NPM2: variants seen among roughly 807,000 people sequenced by gnomAD.
NPM2 encodes nucleophosmin/nucleoplasmin 2, also known as nucleoplasmin-2.
NPM2 carries 25 observed loss-of-function variants against 32.0 expected under a neutral mutation model. The observed-to-expected ratio is 0.78, with a 90% CI of 0.57 to 1.09. NPM2 has a LOEUF of 1.09. NPM2 is among the 50% of genes least tolerant of loss of function. The probability of loss-of-function intolerance (pLI) is 0.00; values close to 1 mark genes in which losing one functional copy is unlikely to be tolerated. For missense variants in NPM2, 282 were observed against 259.9 expected, an observed-to-expected ratio of 1.08 and a Z score of -0.58; for synonymous variants, 111 against 94.2, an observed-to-expected ratio of 1.18 and a Z score of -1.04.
chr8:22,024,960 G>A, intron 2 of NPM2, 130 bp downstream of exon 2: 1 of 454,272 alleles, frequency 2.2e-6, no homozygotes, highest in Non-Finnish European at 3.9e-6. Flanking sequence ...GGCCTTTCAA[G>A]CCTGAGCTCG....
At chr8:22,030,142 C>G (rs982056417) in intron 5 of NPM2, among the ~76,000 whole-genome samples, 2 of 152,220 alleles carry the variant, frequency 1.3e-5, no homozygotes, top group East Asian at 3.8e-4. Flanking sequence ...ATCTCTCCCT[C>G]TCTGCCTTAT....
At position 22,029,941 on chromosome 8, in the gene NPM2, T is replaced by A. The variant is rs552149840; in HGVS notation, c.271-3189T>A. ...ATGATGTGTTCAGGTGTAGATTTAT[T>A]TTTTTTGTCTGTTCAGGACTTAGGT... On this transcript the variant is annotated intron_variant, in intron 5 of 9. Coordinates refer to ENST00000518119, the MANE Select transcript of NPM2 (RefSeq NM_001286680.2). 3.2e-4 allele frequency among the ~76,000 whole-genome samples: 48 copies of A among 152,026 alleles called. 1 individual carries two copies. In the South Asian group the frequency reaches 1.0e-2, roughly 32 times the overall value.
At chr8:22,031,713 T>C (rs1419895643) in intron 5 of NPM2, among the ~76,000 whole-genome samples, 1 of 152,236 alleles carries the variant, frequency 6.6e-6, no homozygotes, top group Non-Finnish European at 1.5e-5. Context: ...CCCAAAGTGC[T>C]TGGATTACAG....
rs751898032 is a variant in NPM2, at chr8:22,036,476, G to A, written c.567-17G>A. The A allele has an allele frequency of 8.6e-5, 137 of 1,601,718 alleles. No homozygotes were observed. Among genetic ancestry groups the A allele is most frequent in the Middle Eastern group, 1.7e-4 (1 of 6,054 alleles). Reference sequence around the variant, plus strand: ...CTGACCCCAATCCCACTCCTGCTCCGCTCCACCCTGTTGCAGAGCCAGCGT... The same window carrying A: ...CTGACCCCAATCCCACTCCTGCTCCACTCCACCCTGTTGCAGAGCCAGCGT... On this transcript the variant is annotated splice_polypyrimidine_tract_variant and intron_variant, in intron 8 of 9. Transcript: ENST00000518119.
At position 22,034,471 on chromosome 8, in the gene NPM2, T is replaced by G. The variant is rs777243407; in HGVS notation, c.532-39T>G. The G allele has an allele frequency of 2.5e-6, 4 of 1,586,782 alleles. No homozygotes were observed. In the African/African-American group the frequency reaches 5.4e-5, roughly 21 times the overall value. On this transcript the variant is annotated intron_variant, in intron 7 of 9. Coordinates refer to ENST00000518119, the MANE Select transcript of NPM2 (RefSeq NM_001286680.2). The stretch of plus-strand genomic sequence containing the variant: ...GGGAATCTGTTCTGGCTCTGGACTT[T>G]GTCTGAACTCTCATAATACACTGTT...
rs940575074 is a variant in NPM2, at chr8:22,026,080, G to C, written c.270+308G>C. ...CAGGAGGTGAGCAGCCAGCTAGCCA[G>C]CATTACCCCTGAGCCCTGCCTCCCG... is the stretch of plus-strand genomic sequence containing the variant. On this transcript the variant is annotated intron_variant, in intron 5 of 9. Coordinates refer to ENST00000518119, the MANE Select transcript of NPM2 (RefSeq NM_001286680.2). 3.9e-5 allele frequency among the ~76,000 whole-genome samples: 6 copies of C among 152,322 alleles called. No homozygotes were observed. The South Asian group carries it at 1.2e-3, about 32-fold the overall frequency.
intron 8 of NPM2, 128 bp from the exon 9 acceptor site, chr8:22,036,365 G>A: frequency 1.2e-6 from 1 of 816,456 alleles, no homozygotes; most frequent in East Asian, 2.7e-5. Context: ...AAGAGTCCGA[G>A]TGGTCCCCAG....
chr8:22,036,589 T>A (rs376981376), intron 9 of NPM2, 49 bp from the exon 10 acceptor site: 461 of 1,559,342 alleles, frequency 3.0e-4, no homozygotes, highest in South Asian at 8.5e-4. Context: ...GGGGGCTGCC[T>A]GGTATGGAGA....
intron 8 of NPM2, 85 bp downstream of exon 8, chr8:22,034,629 C>T (rs949942688): frequency 2.2e-5 from 26 of 1,180,726 alleles, no homozygotes; most frequent in Non-Finnish European, 3.1e-5. Flanking sequence ...TTGGGATGTA[C>T]GTGTACAAAT....
At chr8:22,029,136 C>T (rs767165155) in intron 5 of NPM2, among the ~76,000 whole-genome samples, 6 of 152,066 alleles carry the variant, frequency 3.9e-5, no homozygotes, top group Non-Finnish European at 7.4e-5. Context: ...TTCTGATTCT[C>T]CTTTTTTTAT....
intron 5 of NPM2, among the ~76,000 whole-genome samples, chr8:22,032,508 C>T (rs75330645): frequency 0.033 from 5,095 of 152,212 alleles, 271 homozygotes; most frequent in African/African-American, 0.12. Flanking sequence ...CTCGTTTGAT[C>T]GGTGTCTCAG....
intron 4 of NPM2, 25 bp downstream of exon 4, chr8:22,025,546 G>C (rs1800215662): frequency 6.2e-7 from 1 of 1,613,664 alleles, no homozygotes; most frequent in South Asian, 1.1e-5. Flanking sequence ...AAGAGGGGAG[G>C]AAGATGGTGT....
chr8:22,025,555 G>A, intron 4 of NPM2, 34 bp downstream of exon 4: 1 of 1,613,508 alleles, frequency 6.2e-7, no homozygotes, highest in Non-Finnish European at 8.5e-7. Context: ...GGAAGATGGT[G>A]TCCGGGAACT....
At chr8:22,033,109 C>G in intron 5 of NPM2, 21 bp from the exon 6 acceptor site, 6 of 1,600,338 alleles carry the variant, frequency 3.7e-6, no homozygotes, top group Non-Finnish European at 5.1e-6. Context: ...GCCCTGTCTT[C>G]TCTGCTTCCT....
Position 22,034,100 on chromosome 8 carries a change from C to T in NPM2, c.365-9C>T, listed in dbSNP as rs754728114. Reference sequence around the variant, plus strand: ...CTGTGCCCCTGCATCCTTTCCCATGCTATTACAGAAGCATCAGACCTAACC... The same window carrying T: ...CTGTGCCCCTGCATCCTTTCCCATGTTATTACAGAAGCATCAGACCTAACC... On this transcript the variant is annotated splice_polypyrimidine_tract_variant and intron_variant, in intron 6 of 9. Transcript: ENST00000518119. 3 of 1,577,270 alleles carry T rather than the reference C, an allele frequency of 1.9e-6. No individual in the cohort carries two copies. Among genetic ancestry groups the T allele is most frequent in the Non-Finnish European group, 1.7e-6 (2 of 1,164,032 alleles).
chr8:22,036,475 C>G lies in NPM2; in HGVS notation c.567-18C>G. ...CCTGACCCCAATCCCACTCCTGCTC[C>G]GCTCCACCCTGTTGCAGAGCCAGCG... On this transcript the variant is annotated intron_variant, in intron 8 of 9. Transcript: ENST00000518119. 1 of 1,601,606 alleles carries G rather than the reference C, an allele frequency of 6.2e-7. No individual in the cohort carries two copies. The highest frequency in any genetic ancestry group is 1.7e-5 in the Admixed American group (1 of 58,768).
At chr8:22,031,113 T>A (rs888970437) in intron 5 of NPM2, among the ~76,000 whole-genome samples, 5 of 152,198 alleles carry the variant, frequency 3.3e-5, no homozygotes, top group African/African-American at 7.2e-5. Flanking sequence ...GTACATTTCT[T>A]GGCTTGGCAG....
chr8:22,025,891 C>A, intron 5 of NPM2, 119 bp downstream of exon 5: 1 of 1,429,700 alleles, frequency 7.0e-7, no homozygotes, highest in Non-Finnish European at 9.6e-7. Context: ...AGGGAGGTAG[C>A]ACAGCCCATG....
rs776300167 is a variant in NPM2, at chr8:22,036,538, C to G, written c.600+12C>G. ...GCCCTGTGAAAAAGGTGAGTAGGAC[C>G]AGAGGGCTTTGGCCCTTGGGACAGG... On this transcript the variant is annotated intron_variant, in intron 9 of 9. Coordinates refer to ENST00000518119, the MANE Select transcript of NPM2 (RefSeq NM_001286680.2). The G allele has an allele frequency of 1.1e-5, 18 of 1,596,068 alleles. No homozygotes were observed. The highest frequency in any genetic ancestry group is 1.5e-5 in the Non-Finnish European group (18 of 1,171,530).
Sources: gnomAD v4.1 joint callset for allele counts (sites outside exome capture counted in the v4.1 genomes callset) on GRCh38, gnomAD v4.1.1 for gene constraint, MANE v1.5 for transcripts, NCBI Gene and HGNC (gene_info 2026-07-23, HGNC 2026-07-21) for gene names.